The following SPTBN5 variants were observed in gnomAD, a reference collection of about 807,000 sequenced individuals.
The protein encoded by SPTBN5 is spectrin beta, non-erythrocytic 5.
A neutral mutation model predicts 477.6 loss-of-function variants in SPTBN5; 513 were observed. The ratio of observed to expected loss-of-function variants is 1.07; its 90% CI spans 1.00 to 1.16. SPTBN5 has a LOEUF of 1.16. SPTBN5 is among the 50% of genes most tolerant of loss of function. SPTBN5 has a pLI of 0.00. For missense variants in SPTBN5, 5,062 were observed against 4,731.8 expected (o/e 1.07, Z -2.05); for synonymous variants, 2,169 against 2,011.7 (o/e 1.08, Z -2.09).
Position 41,887,219 on chromosome 15 carries a change from G to T in SPTBN5, c.882C>A (p.Leu294=). The change falls in exon 6 of 68, where the codon CTC becomes CTA. Residue 294 remains leucine (L), a synonymous_variant. Transcript: ENST00000320955. ...LHQGQTVQRR[L]TKILLQLQET... ...CCCCTCCTTTCTCCCCCACCTTAGT[G>T]AGTCTCCTCTGGACAGTCTGCCCCT... 3.9e-6 allele frequency: 6 copies of T among 1,551,444 alleles called. No individual in the cohort carries two copies. Among genetic ancestry groups the T allele is most frequent in the Non-Finnish European group, 5.2e-6 (6 of 1,146,906 alleles).
In SPTBN5 at chr15:41,880,199, G is replaced by C. The variant is rs545322663; in HGVS notation, c.2772C>G (p.Pro924=). Reference sequence around the variant, plus strand: ...GCATGACCTCCAGGGTGTCAGCCTGGGGCTGCACCCTTTGGAGCAGCACTG... The same window carrying C: ...GCATGACCTCCAGGGTGTCAGCCTGCGGCTGCACCCTTTGGAGCAGCACTG... ...KQTVLLQRVQ[P]QADTLEVMQL... is the part of the protein sequence containing the mutation. The change falls in exon 14 of 68, where the codon CCC becomes CCG. Residue 924 remains proline (P), a synonymous_variant. Coordinates refer to ENST00000320955, the MANE Select transcript of SPTBN5 (RefSeq NM_016642.4). 3 of 1,606,662 alleles carry C rather than the reference G, an allele frequency of 1.9e-6. No individual in the cohort carries two copies. Among genetic ancestry groups the C allele is most frequent in the South Asian group, 2.2e-5 (2 of 89,696 alleles).
At chr15:41,876,519 C>T (rs540847272) in intron 20 of SPTBN5, 29 bp downstream of exon 20, 9 of 1,548,630 alleles carry the variant, frequency 5.8e-6, no homozygotes, top group African/African-American at 1.4e-5. Context: ...TTCAGGGAGG[C>T]GTCATGCGAC....
At chr15:41,874,618 T>C (rs2066659525) in intron 23 of SPTBN5, 140 bp from the exon 24 acceptor site, 1 of 878,376 alleles carries the variant, frequency 1.1e-6, no homozygotes. Context: ...AGGGAGGCAG[T>C]GGAAGGGCGC....
At chr15:41,856,261 G>A in intron 53 of SPTBN5, 125 bp downstream of exon 53, 3 of 873,866 alleles carry the variant, frequency 3.4e-6, no homozygotes, top group Non-Finnish European at 3.4e-6. Context: ...AGCCCTTGGG[G>A]GCAGGAGACC....
rs1398500659 is a variant in SPTBN5, at chr15:41,852,880, G to A, written c.10291C>T (p.Gln3431Ter). Residue 3431 changes from glutamine to a stop codon, truncating the protein, a stop_gained, in exon 60 of 68, where the codon CAG (glutamine) becomes TAG (stop). Transcript: ENST00000320955. LOFTEE classifies it high-confidence loss of function. ...GLQKLRQRLE[Q>*]AEAWLACWEG... ...CAGCAGGCCAGCCAGGCCTCAGCCT[G>A]CTCCAGCCTCTGCCGAAGCTTCTGC... is the stretch of plus-strand genomic sequence containing the variant. 4 of 1,608,948 alleles carry A rather than the reference G, an allele frequency of 2.5e-6. No homozygotes were observed. The highest frequency in any genetic ancestry group is 1.1e-5 in the South Asian group (1 of 90,846).
chr15:41,857,556 G>A lies in SPTBN5; in HGVS notation c.8364+17C>T, dbSNP rs184212334. ...CCTGGAGCCCGGCCAGCCACCCCTC[G>A]GCCTGCACAACCTCACCTCACAGGC... On this transcript the variant is annotated intron_variant, in intron 50 of 67. Transcript: ENST00000320955. 3,581 of 1,606,272 alleles carry A rather than the reference G, an allele frequency of 2.2e-3. 8 individuals carry two copies. The highest frequency in any genetic ancestry group is 2.6e-3 in the Non-Finnish European group (3,090 of 1,175,296).
chr15:41,881,935 C>T lies in SPTBN5; in HGVS notation c.2457+1G>A. 1 of 1,528,584 alleles carries T rather than the reference C, an allele frequency of 6.5e-7. No individual in the cohort carries two copies. Among genetic ancestry groups the T allele is most frequent in the Non-Finnish European group, 8.7e-7 (1 of 1,146,526 alleles). 94.7% of individuals were successfully genotyped at this position (1,528,584 alleles called of 1,614,324 possible). A position where few individuals can be genotyped will look rare whatever the true frequency, so the allele number is the denominator to read the frequency against. ...GCGCCCTTCCCTGTCCCCGTCCTCA[C>T]CGTGAATAACGACGCCCGGGCCGAG... On this transcript the variant is annotated splice_donor_variant, in intron 12 of 67. Coordinates refer to ENST00000320955, the MANE Select transcript of SPTBN5 (RefSeq NM_016642.4). LOFTEE classifies it high-confidence loss of function.
rs55637254 is a variant in SPTBN5, at chr15:41,879,457, C to A, written c.2985G>T (p.Gln995His). ...LEALKREKAV[Q>H]LAHSVEVCSF... Reference sequence around the variant, plus strand: ...TGCACACTTCCACACTGTGTGCCAGCTGCACGGCCTTCTCCCTCTTCAGGG... The same window carrying A: ...TGCACACTTCCACACTGTGTGCCAGATGCACGGCCTTCTCCCTCTTCAGGG... Residue 995 changes from glutamine to histidine, a missense_variant, in exon 16 of 68, where the codon CAG (glutamine) becomes CAT (histidine). Coordinates refer to ENST00000320955, the MANE Select transcript of SPTBN5 (RefSeq NM_016642.4). 63,219 of 1,597,578 alleles carry A rather than the reference C, an allele frequency of 0.04. 1,512 individuals are homozygous for A. Among genetic ancestry groups the A allele is most frequent in the Admixed American group, 0.059 (3,433 of 58,020 alleles).
Position 41,881,926 on chromosome 15 carries a change from C to CCGTCCT in SPTBN5, c.2457+4_2457+9dup. ...GGAGACCAGGCGCCCTTCCCTGTCC[C>CCGTCCT]CGTCCTCACCGTGAATAACGACGCC... is the stretch of plus-strand genomic sequence containing the variant. On this transcript the variant is annotated intron_variant, in intron 12 of 67. Transcript: ENST00000320955. 1.3e-6 allele frequency: 2 copies of CCGTCCT among 1,526,794 alleles called. No individual in the cohort carries two copies. Among genetic ancestry groups the CCGTCCT allele is most frequent in the Admixed American group, 3.9e-5 (2 of 50,726 alleles). The allele number at this position is 1,526,794 out of a possible 1,614,324, so 94.6% of individuals were successfully genotyped here. A position where few individuals can be genotyped will look rare whatever the true frequency, so the allele number is the denominator to read the frequency against.
Position 41,849,848 on chromosome 15 carries a change from TC to T in SPTBN5, c.11012+20del. On this transcript the variant is annotated intron_variant, in intron 67 of 67. Coordinates refer to ENST00000320955, the MANE Select transcript of SPTBN5 (RefSeq NM_016642.4). ...GAAGCCCAGGGCTCCCCGCCCTGCT[TC>T]CCCCACCCAGGTGTCCCACCTGAGT... 1 of 1,553,076 alleles carries T rather than the reference TC, an allele frequency of 6.4e-7. No individual in the cohort carries two copies. Among genetic ancestry groups the T allele is most frequent in the Non-Finnish European group, 8.7e-7 (1 of 1,146,822 alleles).
At position 41,876,170 on chromosome 15, in the gene SPTBN5, C is replaced by T. The variant is rs138385091; in HGVS notation, c.4066G>A (p.Glu1356Lys). The T allele has an allele frequency of 6.2e-4, 989 of 1,605,666 alleles. 8 individuals are homozygous for T. In the Admixed American group the frequency reaches 0.01, roughly 17 times the overall value. The change falls in exon 21 of 68, where the codon GAA (glutamate) becomes AAA (lysine). Residue 1356 changes from glutamate (E) to lysine (K), a missense_variant. Coordinates refer to ENST00000320955, the MANE Select transcript of SPTBN5 (RefSeq NM_016642.4). ...GCGAGTAGCTCGCTCTCAGCTGCTTCGTGCCGCTTGAGTGTCTGCAGGATG... is the reference window on the plus strand; with the variant it reads ...GCGAGTAGCTCGCTCTCAGCTGCTTTGTGCCGCTTGAGTGTCTGCAGGATG... Reference protein sequence around the residue: ...RNILQTLKRHEAAESELLATR... With the variant: ...RNILQTLKRHKAAESELLATR...
chr15:41,857,175 G>A (rs529715652), intron 51 of SPTBN5, 63 bp downstream of exon 51: 1 of 1,536,042 alleles, frequency 6.5e-7, no homozygotes, highest in Admixed American at 1.9e-5. Context: ...CAGTTAAGAG[G>A]GCAGGGGTGG....
At position 41,858,967 on chromosome 15, in the gene SPTBN5, A is replaced by G; in HGVS notation, c.8002T>C (p.Phe2668Leu). Residue 2668 changes from phenylalanine (F) to leucine (L), a missense_variant, in exon 48 of 68, where the codon TTC becomes CTC. By Grantham distance (22) the Phe-to-Leu change is conservative. Transcript: ENST00000320955. Reference sequence around the variant, plus strand: ...TGGCGGCGGGTCCCGGCTTGCCTGAAGAGCGCCTCCTTCCTGCCAGGAGGA... The same window carrying G: ...TGGCGGCGGGTCCCGGCTTGCCTGAGGAGCGCCTCCTTCCTGCCAGGAGGA... Reference protein sequence around the residue: ...QAMLLRKEALFRQAGTRRHRL... With the variant: ...QAMLLRKEALLRQAGTRRHRL... 6.4e-7 allele frequency: 1 copy of G among 1,569,072 alleles called. No homozygotes were observed. Among genetic ancestry groups the G allele is most frequent in the Non-Finnish European group, 8.6e-7 (1 of 1,156,928 alleles).
chr15:41,854,285 G>A, intron 56 of SPTBN5, 80 bp from the exon 57 acceptor site: 1 of 1,500,182 alleles, frequency 6.7e-7, no homozygotes, highest in Non-Finnish European at 8.9e-7. Context: ...GGCCTTCTGG[G>A]CCACCTCCTT....
chr15:41,874,136 A>AGG, intron 24 of SPTBN5, 91 bp from the exon 25 acceptor site: 4 of 1,514,326 alleles, frequency 2.6e-6, no homozygotes, highest in Non-Finnish European at 3.6e-6. Flanking sequence ...CAATCATGGC[A>AGG]AGACCCCCAG....
At chr15:41,862,442 G>A (rs2066144452) in intron 43 of SPTBN5, 97 bp downstream of exon 43, 4 of 1,524,800 alleles carry the variant, frequency 2.6e-6, no homozygotes, top group Admixed American at 2.0e-5. Context: ...TTGAAGGGTG[G>A]AGAAGGAATC....
Position 41,873,827 on chromosome 15 carries a change from CA to C in SPTBN5, c.4890+17del. 1 of 1,608,224 alleles carries C rather than the reference CA, an allele frequency of 6.2e-7. No homozygotes were observed. The highest frequency in any genetic ancestry group is 8.5e-7 in the Non-Finnish European group (1 of 1,179,762). On this transcript the variant is annotated intron_variant, in intron 25 of 67. Coordinates refer to ENST00000320955, the MANE Select transcript of SPTBN5 (RefSeq NM_016642.4). ...TGACTTCTGCCTCTTCCCCCAACCCCACCTCTCTGCATCCTACCTGCTGGAA... is the reference window on the plus strand; with the variant it reads ...TGACTTCTGCCTCTTCCCCCAACCCCCCTCTCTGCATCCTACCTGCTGGAA...
At chr15:41,860,977 T>C (rs1053304530) in intron 46 of SPTBN5, among the ~76,000 whole-genome samples, 3 of 152,286 alleles carry the variant, frequency 2.0e-5, no homozygotes, top group Non-Finnish European at 2.9e-5. Flanking sequence ...CCAGAATCTC[T>C]GAGGCAAGCA....
intron 47 of SPTBN5, among the ~76,000 whole-genome samples, chr15:41,860,148 C>T (rs773007405): frequency 2.6e-5 from 4 of 152,216 alleles, no homozygotes; most frequent in Non-Finnish European, 5.9e-5. Flanking sequence ...CTTTCGTCCT[C>T]ATCACAGCCG....
Sources: gnomAD v4.1 joint callset for allele counts (sites outside exome capture counted in the v4.1 genomes callset) on GRCh38, gnomAD v4.1.1 for gene constraint, MANE v1.5 for transcripts, NCBI Gene and HGNC (gene_info 2026-07-23, HGNC 2026-07-21) for gene names.